CIC: variants seen among roughly 807,000 people sequenced by gnomAD.
CIC encodes the protein protein capicua homolog.
CIC carries 18 observed loss-of-function variants against 115.7 expected under a neutral mutation model. The ratio of observed to expected loss-of-function variants is 0.16; its 90% CI spans 0.11 to 0.23. CIC has a LOEUF of 0.23. CIC is among the 10% of genes least tolerant of loss of function. The pLI is 1.00. For missense variants in CIC, 2,000 were observed against 2,159.3 expected, an observed-to-expected ratio of 0.93 and a Z score of 1.46; for synonymous variants, 1,076 against 923.0, an observed-to-expected ratio of 1.17 and a Z score of -3.01.
chr19:42,284,786 G>A (rs1568498959), intron 2 of CIC: 5 of 1,548,688 alleles, frequency 3.2e-6, no homozygotes, highest in Non-Finnish European at 3.5e-6. Context: ...GTAGCGCCTG[G>A]GCCCTGGGAC....
intron 2 of CIC, chr19:42,284,566 GC>G: frequency 3.5e-6 from 1 of 288,332 alleles, no homozygotes. Flanking sequence ...GAGGGGGGCG[GC>G]GGGGGGGGGG....
chr19:42,288,973 A>G lies in CIC; in HGVS notation c.3744A>G (p.Glu1248=), dbSNP rs1389262854. ...KAPGSSSCGA[E]RLHTVGGPGS... ...CGGGGAGCAGCTCCTGTGGGGCAGA[A>G]CGGCTACACACAGTTGGGGGACCTG... The change falls in exon 8 of 21, where the codon GAA becomes GAG. Residue 1248 remains glutamate (E), a synonymous_variant. Transcript: ENST00000681038. The G allele has an allele frequency of 3.1e-6, 5 of 1,614,008 alleles. No individual in the cohort carries two copies. Among genetic ancestry groups the G allele is most frequent in the Admixed American group, 1.7e-5 (1 of 60,016 alleles).
In CIC at chr19:42,290,906, C is replaced by G. The variant is rs1401919768; in HGVS notation, c.4865C>G (p.Thr1622Ser). The stretch of plus-strand genomic sequence containing the variant: ...GCAGGTGCCAGGACTGAAATGGGCA[C>G]TGGGTCTCGGGTGCCTGGGGGCTCC... ...DTAGARTEMG[T>S]GSRVPGGSPL... Residue 1622 changes from threonine (T) to serine (S), a missense_variant, in exon 11 of 21, where the codon ACT becomes AGT. Transcript: ENST00000681038. The G allele has an allele frequency of 1.9e-6, 3 of 1,613,538 alleles. No individual in the cohort carries two copies. The highest frequency in any genetic ancestry group is 3.3e-5 in the Admixed American group (2 of 60,024).
chr19:42,272,024 C>T lies in CIC; in HGVS notation c.241C>T (p.His81Tyr). Residue 81 changes from histidine (H) to tyrosine (Y), a missense_variant, in exon 2 of 21, where the codon CAC becomes TAC. Transcript: ENST00000681038. ...PGAEGPPLEL[H>Y]PGDPAPGPAE... The stretch of plus-strand genomic sequence containing the variant: ...GGCTGAAGGTCCTCCACTGGAGCTG[C>T]ACCCTGGCGACCCGGCTCCAGGCCC... 5.0e-6 allele frequency: 2 copies of T among 398,984 alleles called. No individual in the cohort carries two copies. Among genetic ancestry groups the T allele is most frequent in the Non-Finnish European group, 8.8e-6 (2 of 226,270 alleles). The allele number at this position is 398,984 out of a possible 1,614,324, so 24.7% of individuals were successfully genotyped here.
chr19:42,283,015 A>C (rs1468104737), intron 2 of CIC, among the ~76,000 whole-genome samples: 1 of 152,106 alleles, frequency 6.6e-6, no homozygotes, highest in Non-Finnish European at 1.5e-5. Flanking sequence ...GGGTGGCTGA[A>C]TGATGGCGGT....
At position 42,291,656 on chromosome 19, in the gene CIC, GTGCGGGGTGGAGGGGCCGGC is replaced by G; in HGVS notation, c.5525_5544del (p.Val1842AlafsTer211). 6.2e-7 allele frequency: 1 copy of G among 1,613,018 alleles called. No homozygotes were observed. The highest frequency in any genetic ancestry group is 8.5e-7 in the Non-Finnish European group (1 of 1,180,020). ...GCCTCTGGCCGCCCCTAGCATGTCAGTGCGGGGTGGAGGGGCCGGCCAGCCACTGCCACTGGTGAGCCCGC... is the reference window on the plus strand; with the variant it reads ...GCCTCTGGCCGCCCCTAGCATGTCAGCAGCCACTGCCACTGGTGAGCCCGC... On this transcript the variant is annotated frameshift_variant, in exon 12 of 21. Transcript: ENST00000681038. LOFTEE classifies it high-confidence loss of function.
chr19:42,289,161 C>G lies in CIC; in HGVS notation c.3862-20C>G, dbSNP rs200751832. ...CAGGGCAGCAGCCCCGCTGAACCCTCTCTGCCACCTATCCTGCAGATGGTG... is the reference window on the plus strand; with the variant it reads ...CAGGGCAGCAGCCCCGCTGAACCCTGTCTGCCACCTATCCTGCAGATGGTG... On this transcript the variant is annotated intron_variant, in intron 8 of 20. Coordinates refer to ENST00000681038, the MANE Select transcript of CIC (RefSeq NM_001386298.1). 35 of 1,613,286 alleles carry G rather than the reference C, an allele frequency of 2.2e-5. No homozygotes were observed. The highest frequency in any genetic ancestry group is 3.0e-5 in the Non-Finnish European group (35 of 1,180,008).
Position 42,274,063 on chromosome 19 carries a change from G to T in CIC, c.2280G>T (p.Thr760=), listed in dbSNP as rs759207737. 7 of 399,100 alleles carry T rather than the reference G, an allele frequency of 1.8e-5. No individual in the cohort carries two copies. The highest frequency in any genetic ancestry group is 3.1e-5 in the Non-Finnish European group (7 of 226,460). 24.7% of individuals were successfully genotyped at this position (399,100 alleles called of 1,614,324 possible). A position where few individuals can be genotyped will look rare whatever the true frequency, so the allele number is the denominator to read the frequency against. The change falls in exon 2 of 21, where the codon ACG becomes ACT. Residue 760 remains threonine (T), a synonymous_variant. Coordinates refer to ENST00000681038, the MANE Select transcript of CIC (RefSeq NM_001386298.1). ...DSVSHTPTPS[T]PAGFRAVSPA... The stretch of plus-strand genomic sequence containing the variant: ...TGTCCCACACACCTACACCCTCCAC[G>T]CCGGCTGGCTTCCGGGCCGTGTCCC...
In CIC at chr19:42,292,456, C is replaced by T. The variant is rs1385387950; in HGVS notation, c.5892C>T (p.Pro1964=). The change falls in exon 14 of 21, where the codon CCC becomes CCT. Residue 1964 remains proline (P), a synonymous_variant. Transcript: ENST00000681038. ...CCAGCGGCCCCGCCTTCGTGCAGCCCCTGCTCTCAGGTGAGGGGCGGCCTG... is the reference window on the plus strand; with the variant it reads ...CCAGCGGCCCCGCCTTCGTGCAGCCTCTGCTCTCAGGTGAGGGGCGGCCTG... ...LGPSGPAFVQ[P]LLSAGQAPLL... 1 of 1,611,524 alleles carries T rather than the reference C, an allele frequency of 6.2e-7. No homozygotes were observed. The highest frequency in any genetic ancestry group is 1.7e-4 in the Middle Eastern group (1 of 6,060).
upstream of CIC, chr19:42,268,604 G>C (rs1011414681): frequency 3.9e-5 from 6 of 152,200 alleles, no homozygotes; most frequent in African/African-American, 9.7e-5. Flanking sequence ...GGTGAGTCGG[G>C]GCCCTGGGTC....
At chr19:42,288,008 A>G in intron 7 of CIC, 33 bp downstream of exon 7, 1 of 1,561,134 alleles carries the variant, frequency 6.4e-7, no homozygotes, top group Non-Finnish European at 8.7e-7. Context: ...CCACCCTGCC[A>G]CCTCCCTCCC....
Position 42,291,269 on chromosome 19 carries a change from A to G in CIC, c.5228A>G (p.Gln1743Arg), listed in dbSNP as rs771820159. The G allele has an allele frequency of 1.2e-6, 2 of 1,612,564 alleles. No homozygotes were observed. Among genetic ancestry groups the G allele is most frequent in the African/African-American group, 1.3e-5 (1 of 74,878 alleles). The change falls in exon 11 of 21, where the codon CAG (glutamine) becomes CGG (arginine). Residue 1743 changes from glutamine to arginine, a missense_variant. This residue lies in a region of CIC where 1,466 missense variants were observed against 1,390.4 expected (regional missense o/e 1.05). Transcript: ENST00000681038. ...CAGTACATCCTGCCCACGCTGCCCC[A>G]GCAGCTTCAGGTGGCACCTGCCCCA... Reference protein sequence around the residue: ...QVQYILPTLPQQLQVAPAPAP... With the variant: ...QVQYILPTLPRQLQVAPAPAP...
Position 42,273,781 on chromosome 19 carries a change from C to T in CIC, c.1998C>T (p.Ser666=). 2.5e-6 allele frequency: 1 copy of T among 398,774 alleles called. No homozygotes were observed. The highest frequency in any genetic ancestry group is 4.4e-6 in the Non-Finnish European group (1 of 226,094). The allele number at this position is 398,774 out of a possible 1,614,324, so 24.7% of individuals were successfully genotyped here. A position where few individuals can be genotyped will look rare whatever the true frequency, so the allele number is the denominator to read the frequency against. Residue 666 remains serine, a synonymous_variant, in exon 2 of 21, where the codon AGC becomes AGT. Transcript: ENST00000681038. ...TCCGCAGTCGCCACCTGAGCGCCAGCACCCCTAAGGCAGGCGTGCTGACGC... is the reference window on the plus strand; with the variant it reads ...TCCGCAGTCGCCACCTGAGCGCCAGTACCCCTAAGGCAGGCGTGCTGACGC... The part of the protein sequence containing the change: ...TAVRSRHLSA[S]TPKAGVLTPP...
intron 2 of CIC, chr19:42,284,507 G>A (rs1276484359): frequency 2.0e-5 from 3 of 151,168 alleles, no homozygotes; most frequent in Admixed American, 6.7e-5. Context: ...GGAGGCAGGC[G>A]GCGCTGTGCG....
intron 2 of CIC, chr19:42,284,745 C>T (rs970360488): frequency 6.4e-7 from 1 of 1,557,508 alleles, no homozygotes; most frequent in Admixed American, 1.9e-5. Context: ...GCGTCCAGCG[C>T]GGCCTCCCGT....
At chr19:42,284,855 G>A (rs1313916887) in intron 2 of CIC, 8 of 1,212,452 alleles carry the variant, frequency 6.6e-6, no homozygotes, top group African/African-American at 1.5e-5. Context: ...GGGTATAGTA[G>A]GGGAGAGAAC....
chr19:42,280,790 C>T lies in CIC; in HGVS notation c.2795-5981C>T, dbSNP rs2037200126. ...GAGGGGAGGGGAACGCAGGGCGGCG[C>T]CCCCTCCTCTGCTCGGGCCTTGGCG... On this transcript the variant is annotated intron_variant, in intron 2 of 20. Coordinates refer to ENST00000681038, the MANE Select transcript of CIC (RefSeq NM_001386298.1). The surrounding 1 kb of genome is among the most constrained non-coding windows in gnomAD (Gnocchi z 4.9). 6.6e-6 allele frequency among the ~76,000 whole-genome samples: 1 copy of T among 151,950 alleles called. No individual in the cohort carries two copies.
Position 42,273,681 on chromosome 19 carries a change from C to T in CIC, c.1898C>T (p.Pro633Leu), listed in dbSNP as rs1463119121. Residue 633 changes from proline to leucine, a missense_variant, in exon 2 of 21, where the codon CCC becomes CTC. This residue lies in a region of CIC where 222 missense variants were observed against 247.7 expected (regional missense o/e 0.90). Coordinates refer to ENST00000681038, the MANE Select transcript of CIC (RefSeq NM_001386298.1). The part of the protein sequence containing the change: ...SPFSPAPSPS[P>L]SPLFGFRPAN... Reference sequence around the variant, plus strand: ...TTCTCGCCAGCCCCATCACCCTCACCCTCACCACTCTTCGGCTTCCGCCCT... The same window carrying T: ...TTCTCGCCAGCCCCATCACCCTCACTCTCACCACTCTTCGGCTTCCGCCCT... The T allele has an allele frequency of 2.5e-6, 1 of 398,852 alleles. No homozygotes were observed. The highest frequency in any genetic ancestry group is 2.1e-5 in the African/African-American group (1 of 48,622). The allele number at this position is 398,852 out of a possible 1,614,324, so 24.7% of individuals were successfully genotyped here.
At position 42,287,658 on chromosome 19, in the gene CIC, G is replaced by A. The variant is rs1285460447; in HGVS notation, c.3423G>A (p.Lys1141=). Reference sequence around the variant, plus strand: ...ACCAGGACAACCGGACCGTCAGCAAGATCCTGGGCGAGTGGTGGTATGCCC... The same window carrying A: ...ACCAGGACAACCGGACCGTCAGCAAAATCCTGGGCGAGTGGTGGTATGCCC... The part of the protein sequence containing the change: ...HPNQDNRTVS[K]ILGEWWYALG... The change falls in exon 6 of 21, where the codon AAG becomes AAA. Residue 1141 remains lysine, a synonymous_variant. Coordinates refer to ENST00000681038, the MANE Select transcript of CIC (RefSeq NM_001386298.1). This position sits in a 1 kb window ranked among gnomAD's most constrained non-coding sequence, Gnocchi z 8.7. 6.2e-7 allele frequency: 1 copy of A among 1,614,058 alleles called. No homozygotes were observed. The highest frequency in any genetic ancestry group is 2.2e-5 in the East Asian group (1 of 44,888).
Sources: gnomAD v4.1 joint callset for allele counts (sites outside exome capture counted in the v4.1 genomes callset) on GRCh38, gnomAD v4.1.1 for gene constraint, gnomAD v4.1.1 regional missense constraint, Gnocchi (gnomAD v3.1) non-coding constraint, MANE v1.5 for transcripts, NCBI Gene and HGNC (gene_info 2026-07-23, HGNC 2026-07-21) for gene names.